RBFOX1: variants seen among roughly 807,000 people sequenced by gnomAD.
RBFOX1 encodes RNA binding protein fox-1 homolog 1.
Under a neutral mutation model 57.7 loss-of-function variants are expected in RBFOX1, and 8 were observed. The ratio of observed to expected loss-of-function variants is 0.14; its 90% CI spans 0.08 to 0.25. The LOEUF is 0.25. RBFOX1 is among the 10% of genes least tolerant of loss of function. The pLI is 1.00. For missense variants in RBFOX1, 611 were observed against 548.5 expected (o/e 1.11, Z -1.14); for synonymous variants, 326 against 222.4 (o/e 1.47, Z -4.15).
At chr16:6,722,241 C>CT (rs2154165016) in intron 3 of RBFOX1, among the ~76,000 whole-genome samples, 1 of 152,332 alleles carries the variant, frequency 6.6e-6, no homozygotes, top group South Asian at 2.1e-4. Flanking sequence ...TTCCAAGAGG[C>CT]TAAACCGTTT....
chr16:5,555,820 G>A (rs1010770815), intron 2 of RBFOX1, among the ~76,000 whole-genome samples: 11 of 151,952 alleles, frequency 7.2e-5, no homozygotes, highest in African/African-American at 2.4e-4. Context: ...TCGGGAGTTC[G>A]AGACGAGCCT....
At chr16:5,907,092 T>A (rs2058477471) in intron 4 of RBFOX1, among the ~76,000 whole-genome samples, 1 of 152,002 alleles carries the variant, frequency 6.6e-6, no homozygotes, top group Non-Finnish European at 1.5e-5. Flanking sequence ...AGGGAGGAGA[T>A]GGGGGTTGGA....
chr16:5,285,331 G>A (rs563137458), intron 1 of RBFOX1, among the ~76,000 whole-genome samples: 1 of 151,832 alleles, frequency 6.6e-6, no homozygotes, highest in Admixed American at 6.6e-5. Flanking sequence ...TGTCTCTGTT[G>A]AATTTCTCAT....
intron 2 of RBFOX1, among the ~76,000 whole-genome samples, chr16:5,581,559 G>T (rs113510400): frequency 3.2e-4 from 49 of 152,284 alleles, no homozygotes; most frequent in African/African-American, 1.1e-3. Flanking sequence ...GCATGATGCT[G>T]CAAGAGCATG....
chr16:6,728,779 C>A (rs4786114), intron 3 of RBFOX1, among the ~76,000 whole-genome samples: 1 of 152,242 alleles, frequency 6.6e-6, no homozygotes, highest in South Asian at 2.1e-4. Context: ...AGCCATTAAA[C>A]TAATTGTAGG....
At chr16:6,677,607 A>G (rs2057956531) in intron 3 of RBFOX1, among the ~76,000 whole-genome samples, 3 of 152,218 alleles carry the variant, frequency 2.0e-5, no homozygotes, top group African/African-American at 4.8e-5. Flanking sequence ...TACATTTTCA[A>G]TCAAAGATAA....
At chr16:5,637,373 AG>A (rs1288060088) in intron 3 of RBFOX1, among the ~76,000 whole-genome samples, 2 of 152,140 alleles carry the variant, frequency 1.3e-5, no homozygotes, top group Admixed American at 1.3e-4. Context: ...CTAGGTTTCC[AG>A]GGGGCTCATT....
At chr16:7,630,789 T>C (rs1305533610) in intron 11 of RBFOX1, 106 bp downstream of exon 11, 4 of 1,522,604 alleles carry the variant, frequency 2.6e-6, no homozygotes, top group Non-Finnish European at 3.5e-6. Context: ...CACCCTCTCT[T>C]GTGGCTCTCT....
chr16:7,450,944 G>C (rs1361704896), intron 4 of RBFOX1, among the ~76,000 whole-genome samples: 1 of 152,200 alleles, frequency 6.6e-6, no homozygotes, highest in Non-Finnish European at 1.5e-5. Context: ...AGCCCAGGAA[G>C]AGGCCTCTGC....
chr16:6,698,026 A>C (rs570437630), intron 3 of RBFOX1, among the ~76,000 whole-genome samples: 1 of 152,174 alleles, frequency 6.6e-6, no homozygotes, highest in African/African-American at 2.4e-5. Flanking sequence ...TCAGTAATTA[A>C]ACTAACTAGA....
rs74369181 is a variant in RBFOX1, at chr16:5,618,827, A to G, written c.318+19866A>G. 3.3e-5 allele frequency among the ~76,000 whole-genome samples: 5 copies of G among 152,276 alleles called. No individual in the cohort carries two copies. The East Asian group carries it at 5.8e-4, about 18-fold the overall frequency. ...TAAAAGCGTTAAAAGGCAACCTTCA[A>G]TGTGGATTTTGCTGTGTCTGGATAC... is the stretch of plus-strand genomic sequence containing the variant. On this transcript the variant is annotated intron_variant, in intron 3 of 19. Coordinates refer to the RBFOX1 transcript ENST00000641259.
intron 4 of RBFOX1, among the ~76,000 whole-genome samples, chr16:6,000,533 C>T (rs571924500): frequency 9.9e-5 from 15 of 152,048 alleles, no homozygotes; most frequent in Non-Finnish European, 1.6e-4. Flanking sequence ...AAAATAAGGG[C>T]GAAAACTCTA....
intron 14 of RBFOX1, among the ~76,000 whole-genome samples, chr16:7,685,401 G>A (rs760976567): frequency 3.9e-5 from 6 of 152,056 alleles, no homozygotes; most frequent in Admixed American, 1.3e-4. Flanking sequence ...CAAAAGATCC[G>A]TGGACGGAAA....
At chr16:7,697,838 G>C (rs1473688107) in intron 14 of RBFOX1, among the ~76,000 whole-genome samples, 12 of 152,188 alleles carry the variant, frequency 7.9e-5, no homozygotes, top group African/African-American at 1.7e-4. Context: ...GGATGACAAA[G>C]TTGTTACTAT....
chr16:6,148,289 T>G (rs2096773572), intron 1 of RBFOX1, among the ~76,000 whole-genome samples: 3 of 152,252 alleles, frequency 2.0e-5, no homozygotes, highest in Non-Finnish European at 2.9e-5. Context: ...ATAGCGCCAC[T>G]GCACTCCAGC....
intron 3 of RBFOX1, among the ~76,000 whole-genome samples, chr16:5,821,198 C>T (rs1479021763): frequency 6.6e-6 from 1 of 151,648 alleles, no homozygotes; most frequent in Non-Finnish European, 1.5e-5. Flanking sequence ...ACATGGGGGG[C>T]TGCCTCAGAT....
intron 2 of RBFOX1, among the ~76,000 whole-genome samples, chr16:6,460,446 C>G (rs1297043517): frequency 1.4e-5 from 2 of 148,144 alleles, no homozygotes; most frequent in African/African-American, 4.9e-5. Context: ...AGGCTATGAA[C>G]AGACACTTCT....
chr16:7,195,812 C>T (rs755477841), intron 4 of RBFOX1, among the ~76,000 whole-genome samples: 2 of 152,170 alleles, frequency 1.3e-5, no homozygotes, highest in Non-Finnish European at 2.9e-5. Flanking sequence ...CTCTGCCTCC[C>T]AAAGTGCTGG....
intron 2 of RBFOX1, among the ~76,000 whole-genome samples, chr16:5,477,444 A>G (rs768956502): frequency 2.0e-5 from 3 of 152,168 alleles, no homozygotes; most frequent in Non-Finnish European, 4.4e-5. Context: ...CCTCCTGGGG[A>G]CAGGCTGCCT....
Sources: gnomAD v4.1 joint callset for allele counts (sites outside exome capture counted in the v4.1 genomes callset) on GRCh38, gnomAD v4.1.1 for gene constraint, MANE v1.5 for transcripts, NCBI Gene and HGNC (gene_info 2026-07-23, HGNC 2026-07-21) for gene names.